Variants in TASP1 observed in about 807,000 individuals in gnomAD.
TASP1 encodes threonine aspartase 1.
In TASP1, 16 loss-of-function variants were observed where a neutral mutation model predicts 56.6. The observed-to-expected ratio is 0.28, with a 90% CI of 0.19 to 0.43. TASP1 has a LOEUF of 0.43. TASP1 is among the 20% of genes least tolerant of loss of function. TASP1 has a pLI of 1.00. For missense variants in TASP1, 393 were observed against 511.6 expected, an observed-to-expected ratio of 0.77 and a Z score of 2.24; for synonymous variants, 179 against 184.2, an observed-to-expected ratio of 0.97 and a Z score of 0.23.
intron 10 of TASP1, among the ~76,000 whole-genome samples, chr20:13,506,025 G>GA (rs2146679064): frequency 6.6e-6 from 1 of 151,638 alleles, no homozygotes; most frequent in South Asian, 2.1e-4. Flanking sequence ...AAGAATAAAA[G>GA]AAAAAAGACT....
chr20:13,274,059 T>TTGTGTGTGTG, the TASP1 span, among the ~76,000 whole-genome samples: 669 of 150,822 alleles, frequency 4.4e-3, 5 homozygotes, highest in African/African-American at 0.015. Flanking sequence ...TGGCGTGTAA[T>TTGTGTGTGTG]TGTGTGTGTG....
At chr20:13,259,832 G>A in the TASP1 span, among the ~76,000 whole-genome samples, 484 of 152,292 alleles carry the variant, frequency 3.2e-3, 4 homozygotes, top group African/African-American at 0.011. Flanking sequence ...GCAGGCCTGT[G>A]CCCCAATACT....
At chr20:13,480,201 A>G (rs1256082820) in intron 11 of TASP1, among the ~76,000 whole-genome samples, 2 of 152,192 alleles carry the variant, frequency 1.3e-5, no homozygotes, top group Admixed American at 6.6e-5. Context: ...GCATTTAGAA[A>G]CTGCCTCTTA....
chr20:13,617,824 G>C (rs1228879107), intron 4 of TASP1, among the ~76,000 whole-genome samples: 1 of 152,054 alleles, frequency 6.6e-6, no homozygotes, highest in Non-Finnish European at 1.5e-5. Context: ...AGGTGAAAAG[G>C]GAAATTATCG....
At chr20:13,118,708 G>C in the TASP1 span, among the ~76,000 whole-genome samples, 4 of 152,086 alleles carry the variant, frequency 2.6e-5, no homozygotes, top group East Asian at 7.7e-4. Context: ...GCATGCAAGT[G>C]GTATCAACAA....
At chr20:13,379,819 G>T in the TASP1 span, among the ~76,000 whole-genome samples, 1 of 151,756 alleles carries the variant, frequency 6.6e-6, no homozygotes, top group Non-Finnish European at 1.5e-5. Context: ...TTTTATTTAA[G>T]TTGATCTTCA....
chr20:13,254,506 C>G, the TASP1 span, among the ~76,000 whole-genome samples: 1 of 152,214 alleles, frequency 6.6e-6, no homozygotes, highest in African/African-American at 2.4e-5. Context: ...GCTTCCTAAA[C>G]CCCTGCTGCT....
intron 10 of TASP1, among the ~76,000 whole-genome samples, chr20:13,527,990 G>A (rs1251274599): frequency 6.6e-6 from 1 of 151,928 alleles, no homozygotes; most frequent in East Asian, 1.9e-4. Flanking sequence ...GGGAGGCCTA[G>A]GAGGGCAGAT....
At chr20:13,356,524 G>GC in the TASP1 span, among the ~76,000 whole-genome samples, 1 of 152,220 alleles carries the variant, frequency 6.6e-6, no homozygotes, top group East Asian at 1.9e-4. Context: ...TTGAATGTTG[G>GC]CCCCAAGAGC....
chr20:13,132,052 G>A, the TASP1 span, among the ~76,000 whole-genome samples: 76,775 of 151,668 alleles, frequency 0.51, 19,787 homozygotes, highest in East Asian at 0.63. Context: ...CTGACCTATC[G>A]GCATAGCCCA....
chr20:13,175,515 T>G, the TASP1 span, among the ~76,000 whole-genome samples: 30 of 151,784 alleles, frequency 2.0e-4, no homozygotes, highest in Non-Finnish European at 3.8e-4. Flanking sequence ...CAGTGAGAGG[T>G]GGGAAGTTAG....
At chr20:13,451,298 G>C (rs1310532067) in intron 11 of TASP1, among the ~76,000 whole-genome samples, 1 of 152,054 alleles carries the variant, frequency 6.6e-6, no homozygotes, top group Non-Finnish European at 1.5e-5. Context: ...AGCTGCATTA[G>C]TTTCTAACAA....
intron 6 of TASP1, among the ~76,000 whole-genome samples, chr20:13,574,156 C>G (rs759306160): frequency 1.3e-5 from 2 of 151,592 alleles, no homozygotes; most frequent in South Asian, 2.1e-4. Context: ...CAAGTTCAGA[C>G]AGCCAGGAAC....
chr20:13,471,199 G>A (rs1050320864), intron 11 of TASP1, among the ~76,000 whole-genome samples: 2 of 152,160 alleles, frequency 1.3e-5, no homozygotes, highest in Admixed American at 1.3e-4. Context: ...AGGGTGGACA[G>A]GGAAAGCTTC....
At chr20:13,511,347 C>T (rs1011161927) in intron 10 of TASP1, among the ~76,000 whole-genome samples, 4 of 152,068 alleles carry the variant, frequency 2.6e-5, no homozygotes, top group Admixed American at 1.3e-4. Flanking sequence ...TTGATGTCAT[C>T]AATGGAGCCC....
Position 13,474,502 on chromosome 20 carries a change from G to C in TASP1, c.985+8725C>G, listed in dbSNP as rs1409474460. On this transcript the variant is annotated intron_variant, in intron 11 of 13. Transcript: ENST00000337743. The stretch of plus-strand genomic sequence containing the variant: ...ATGGTTGAATAGTATTCCATGGTGT[G>C]TATATACCATATTTTCTTTATCCAC... 3.9e-5 allele frequency among the ~76,000 whole-genome samples: 6 copies of C among 152,128 alleles called. No homozygotes were observed. In the East Asian group the frequency reaches 9.6e-4, roughly 24 times the overall value.
intron 10 of TASP1, among the ~76,000 whole-genome samples, chr20:13,492,674 T>C (rs143136493): frequency 4.5e-4 from 68 of 152,328 alleles, no homozygotes; most frequent in African/African-American, 1.6e-3. Flanking sequence ...GACACATATT[T>C]AGCGTTTCCC....
At chr20:13,384,502 G>GA (rs542603760), downstream of TASP1, among the ~76,000 whole-genome samples, 16 of 148,458 alleles carry the variant, frequency 1.1e-4, no homozygotes, top group African/African-American at 1.5e-4. Context: ...AAGCATGGGG[G>GA]AAAAAAAAAA....
At chr20:13,412,261 T>G (rs1298071280) in intron 13 of TASP1, among the ~76,000 whole-genome samples, 2 of 152,150 alleles carry the variant, frequency 1.3e-5, no homozygotes, top group Non-Finnish European at 2.9e-5. Context: ...CATTAAAAAT[T>G]TGGCTGATTT....
Sources: allele counts gnomAD v4.1 joint callset (sites outside exome capture counted in the v4.1 genomes callset), GRCh38; gene constraint gnomAD v4.1.1; transcripts MANE v1.5; gene names NCBI Gene and HGNC (gene_info 2026-07-23, HGNC 2026-07-21).